MACROD2: variants seen among roughly 807,000 people sequenced by gnomAD.
MACROD2 encodes the protein mono-ADP ribosylhydrolase 2, also known as ADP-ribose glycohydrolase MACROD2.
A neutral mutation model predicts 70.4 loss-of-function variants in MACROD2; 36 were observed. The observed-to-expected ratio is 0.51, with a 90% confidence interval of 0.39 to 0.68. The LOEUF (loss-of-function observed/expected upper bound fraction) is 0.68, where lower values mean the gene tolerates loss of function less well. Ranked by LOEUF, MACROD2 falls within the 30% of genes least tolerant of loss-of-function variation. MACROD2 has a pLI of 0.00. For missense variants in MACROD2, 496 were observed against 538.4 expected (o/e 0.92, Z 0.78); for synonymous variants, 172 against 178.8 (o/e 0.96, Z 0.30).
At chr20:14,531,328 AC>A (rs1238121787) in intron 4 of MACROD2, among the ~76,000 whole-genome samples, 4 of 152,148 alleles carry the variant, frequency 2.6e-5, no homozygotes, top group Non-Finnish European at 4.4e-5. Context: ...ACAGGGATAC[AC>A]AGGGAAGGTC....
intron 3 of MACROD2, among the ~76,000 whole-genome samples, chr20:14,189,227 A>G (rs2081366610): frequency 6.6e-6 from 1 of 152,220 alleles, no homozygotes; most frequent in South Asian, 2.1e-4. Flanking sequence ...TATGTGAAAG[A>G]AAAACATAAT....
At chr20:14,836,243 A>G (rs181539018) in intron 5 of MACROD2, among the ~76,000 whole-genome samples, 125 of 152,264 alleles carry the variant, frequency 8.2e-4, no homozygotes, top group African/African-American at 2.9e-3. Flanking sequence ...GTTACGCTGT[A>G]ATACCCAAGA....
rs146487415 is a variant in MACROD2 at position 15,861,624 on chromosome 20, C to T, written c.646-1121C>T. ...CAGTCTACCCTAAGTGAGGTCTAGGCTTGGGCAGAGACTAAGGAGCCAAAT... is the reference window on the plus strand; with the variant it reads ...CAGTCTACCCTAAGTGAGGTCTAGGTTTGGGCAGAGACTAAGGAGCCAAAT... On this transcript the variant is annotated intron_variant, in intron 8 of 17. Coordinates refer to ENST00000684519, the MANE Select transcript of MACROD2 (RefSeq NM_001351661.2). Among the ~76,000 whole-genome samples the T allele has an allele frequency of 1.6e-3, 238 of 152,272 alleles. 1 individual carries two copies. Among genetic ancestry groups the T allele is most frequent in the Non-Finnish European group, 1.5e-3 (105 of 68,024 alleles).
At chr20:14,505,353 C>T (rs2084957210) in intron 4 of MACROD2, among the ~76,000 whole-genome samples, 1 of 152,154 alleles carries the variant, frequency 6.6e-6, no homozygotes, top group South Asian at 2.1e-4. Context: ...GATTGGTGCT[C>T]TTAAATCTGT....
chr20:15,961,945 C>A (rs530486915), intron 12 of MACROD2, among the ~76,000 whole-genome samples: 12 of 152,120 alleles, frequency 7.9e-5, no homozygotes, highest in Non-Finnish European at 1.0e-4. Flanking sequence ...AAGTCACAGA[C>A]AACTGAAAAT....
At chr20:15,487,495 T>C (rs1315149707) in intron 7 of MACROD2, among the ~76,000 whole-genome samples, 2 of 152,216 alleles carry the variant, frequency 1.3e-5, no homozygotes, top group African/African-American at 4.8e-5. Flanking sequence ...ATCATAATCT[T>C]AGTCCTTCAA....
intron 5 of MACROD2, among the ~76,000 whole-genome samples, chr20:14,983,281 T>C (rs768049172): frequency 2.5e-4 from 38 of 152,188 alleles, no homozygotes; most frequent in Non-Finnish European, 3.8e-4. Context: ...ACTTGCCTTG[T>C]CTCAGTTGAG....
intron 5 of MACROD2, among the ~76,000 whole-genome samples, chr20:14,735,327 G>C (rs920645844): frequency 6.6e-6 from 1 of 152,096 alleles, no homozygotes; most frequent in Admixed American, 6.6e-5. Flanking sequence ...CAATGAACTT[G>C]AAAAGACATT....
intron 5 of MACROD2, among the ~76,000 whole-genome samples, chr20:15,024,257 C>T (rs2075212547): frequency 6.6e-6 from 1 of 152,048 alleles, no homozygotes; most frequent in South Asian, 2.1e-4. Flanking sequence ...TTACTTAATC[C>T]TTAAAATTTC....
At chr20:15,499,650 G>A (rs2146491075) in intron 7 of MACROD2, 124 bp from the exon 8 acceptor site, 2 of 777,878 alleles carry the variant, frequency 2.6e-6, no homozygotes, top group Admixed American at 2.1e-5. Flanking sequence ...TCTTACTGAG[G>A]CCTGTACTTA....
At chr20:15,702,378 A>G (rs1037629183) in intron 8 of MACROD2, among the ~76,000 whole-genome samples, 4 of 152,078 alleles carry the variant, frequency 2.6e-5, no homozygotes, top group African/African-American at 7.2e-5. Context: ...GTGAGATGAT[A>G]TTTCATTGTG....
At position 15,330,917 on chromosome 20, in the gene MACROD2, C is replaced by G. The variant is rs1025823009; in HGVS notation, c.541-100488C>G. Among the ~76,000 whole-genome samples the G allele has an allele frequency of 2.0e-5, 3 of 151,616 alleles. 1 individual carries two copies. The highest frequency in any genetic ancestry group is 7.3e-5 in the African/African-American group (3 of 41,004). ...CAGATGGGCCCACGTGTCTTCTGCC[C>G]CTGGCTATCTCTTACTTGTGGCTTG... On this transcript the variant is annotated intron_variant, in intron 6 of 17. Coordinates refer to ENST00000684519, the MANE Select transcript of MACROD2 (RefSeq NM_001351661.2).
intron 5 of MACROD2, among the ~76,000 whole-genome samples, chr20:14,862,168 T>TTATACATAAATATATAAATATATAA (rs1386320678): frequency 2.0e-4 from 1 of 5,050 alleles, no homozygotes; most frequent in South Asian, 3.9e-3. Context: ...TAAATATATA[T>TTATACATAAATATATAAATATATAA]AAATATATAT....
At chr20:15,794,323 G>A (rs148603254) in intron 8 of MACROD2, among the ~76,000 whole-genome samples, 27 of 151,508 alleles carry the variant, frequency 1.8e-4, no homozygotes, top group East Asian at 1.5e-3. Context: ...TTTATTCAGC[G>A]TTCATTATAT....
chr20:15,643,368 T>A (rs541717149), intron 8 of MACROD2, among the ~76,000 whole-genome samples: 1 of 152,356 alleles, frequency 6.6e-6, no homozygotes, highest in South Asian at 2.1e-4. Flanking sequence ...TTTCTTATCA[T>A]TCTGATGTCA....
In MACROD2 at chr20:14,803,367, C is replaced by T. The variant is rs1250133865; in HGVS notation, c.418+118408C>T. Among the ~76,000 whole-genome samples, 2 of 152,092 alleles carry T rather than the reference C, an allele frequency of 1.3e-5. 1 individual carries two copies. The highest frequency in any genetic ancestry group is 2.9e-5 in the Non-Finnish European group (2 of 68,014). On this transcript the variant is annotated intron_variant, in intron 5 of 17. Coordinates refer to ENST00000684519, the MANE Select transcript of MACROD2 (RefSeq NM_001351661.2). ...GGAACTTATTGATGAATCACCAAGTCTTTTCTACTTTTCTTGCCTTTCAGA... is the reference window on the plus strand; with the variant it reads ...GGAACTTATTGATGAATCACCAAGTTTTTTCTACTTTTCTTGCCTTTCAGA...
At chr20:14,253,648 G>T (rs1414561082) in intron 3 of MACROD2, among the ~76,000 whole-genome samples, 1 of 152,044 alleles carries the variant, frequency 6.6e-6, no homozygotes, top group Admixed American at 6.6e-5. Flanking sequence ...TTGAAATCAA[G>T]TACAATGCTT....
intron 7 of MACROD2, among the ~76,000 whole-genome samples, chr20:15,467,321 A>G (rs1023699180): frequency 3.3e-5 from 5 of 152,248 alleles, no homozygotes; most frequent in African/African-American, 1.2e-4. Context: ...CACAGTGGCA[A>G]CTGCTTTGTC....
intron 3 of MACROD2, among the ~76,000 whole-genome samples, chr20:14,420,595 T>A (rs2083864726): frequency 6.6e-6 from 1 of 152,162 alleles, no homozygotes; most frequent in Non-Finnish European, 1.5e-5. Context: ...TTATTGAGTT[T>A]TAGGAGTTCA....
Sources: gnomAD v4.1 joint callset for allele counts (sites outside exome capture counted in the v4.1 genomes callset) on GRCh38, gnomAD v4.1.1 for gene constraint, MANE v1.5 for transcripts, NCBI Gene and HGNC (gene_info 2026-07-23, HGNC 2026-07-21) for gene names.